SEMA3A: variants seen among roughly 807,000 people sequenced by gnomAD.
SEMA3A encodes the protein semaphorin 3A, also known as semaphorin-3A.
A neutral mutation model predicts 97.9 loss-of-function variants in SEMA3A; 29 were observed. That is an observed-to-expected ratio of 0.30 (90% CI 0.22 to 0.40). SEMA3A has a LOEUF of 0.40. Ranked by LOEUF, SEMA3A falls within the 10% of genes least tolerant of loss-of-function variation. The probability of loss-of-function intolerance (pLI) is 1.00; values close to 1 mark genes in which losing one functional copy is unlikely to be tolerated. For synonymous variants in SEMA3A, 321 were observed against 323.7 expected (o/e 0.99, Z 0.09); for missense variants, 763 against 951.3 (o/e 0.80, Z 2.60).
intron 6 of SEMA3A, among the ~76,000 whole-genome samples, chr7:84,022,835 T>G (rs945012608): frequency 2.0e-5 from 3 of 152,210 alleles, no homozygotes; most frequent in African/African-American, 7.2e-5. Context: ...ACTTTGTATT[T>G]ACAGATACCA....
chr7:84,329,852 T>C (rs1801870722), intron 2 of SEMA3A, among the ~76,000 whole-genome samples: 1 of 152,056 alleles, frequency 6.6e-6, no homozygotes, highest in African/African-American at 2.4e-5. Flanking sequence ...TGCTTTCACA[T>C]GGGGTCTCTC....
At chr7:84,446,131 A>G (rs1805409367) in intron 1 of SEMA3A, among the ~76,000 whole-genome samples, 1 of 152,200 alleles carries the variant, frequency 6.6e-6, no homozygotes, top group Admixed American at 6.5e-5. Context: ...CTAGAAACAA[A>G]TATCTAACAA....
In SEMA3A at chr7:84,328,269, T is replaced by C. The variant is rs77996433; in HGVS notation, c.-168-20977A>G. Among the ~76,000 whole-genome samples the C allele has an allele frequency of 9.7e-4, 147 of 152,162 alleles. 1 individual carries two copies. The East Asian group carries it at 0.026, about 27-fold the overall frequency. ...AAAAACCATTTTAGTGTTCTCATCT[T>C]TACATTTCATAATACTCATTTGCAT... is the stretch of plus-strand genomic sequence containing the variant. On this transcript the variant is annotated intron_variant, in intron 2 of 3. Transcript: ENST00000424555.
chr7:84,365,271 A>G (rs1171059606), intron 2 of SEMA3A, among the ~76,000 whole-genome samples: 1 of 151,564 alleles, frequency 6.6e-6, no homozygotes, highest in Non-Finnish European at 1.5e-5. Flanking sequence ...TTTGGAAAGA[A>G]CTATCATATA....
chr7:84,039,305 TAATA>T (rs1323628396), intron 6 of SEMA3A, among the ~76,000 whole-genome samples: 1 of 152,130 alleles, frequency 6.6e-6, no homozygotes, highest in Non-Finnish European at 1.5e-5. Context: ...GTCACGTAAG[TAATA>T]AATGGAGGAC....
chr7:83,970,838 A>G (rs1186398707), intron 15 of SEMA3A, among the ~76,000 whole-genome samples: 1 of 152,146 alleles, frequency 6.6e-6, no homozygotes, highest in Non-Finnish European at 1.5e-5. Flanking sequence ...AATAGGAGGA[A>G]AGGAAATGTT....
rs371976798 is a variant in SEMA3A, at chr7:84,136,914, AAAG to A, written c.113-1966_113-1964del. 1.4e-3 allele frequency among the ~76,000 whole-genome samples: 210 copies of A among 151,494 alleles called. 1 individual carries two copies. In the East Asian group the frequency reaches 0.016, roughly 12 times the overall value. On this transcript the variant is annotated intron_variant, in intron 1 of 16. Transcript: ENST00000265362. ...ACCCCACTCTCCACACACACAAAAA[AAAG>A]AAGAAGGGGAGGAAGGAAGGGAGGG... is the stretch of plus-strand genomic sequence containing the variant.
intron 3 of SEMA3A, among the ~76,000 whole-genome samples, chr7:84,218,949 C>A (rs748275864): frequency 6.6e-6 from 1 of 152,020 alleles, no homozygotes; most frequent in African/African-American, 2.4e-5. Flanking sequence ...AAATAGGAAA[C>A]TTTGAATAAG....
At chr7:84,370,500 T>G (rs1024137191) in intron 2 of SEMA3A, among the ~76,000 whole-genome samples, 2 of 151,680 alleles carry the variant, frequency 1.3e-5, no homozygotes, top group Non-Finnish European at 3.0e-5. Context: ...AAAGTTAGAT[T>G]TGATAGGCCT....
chr7:84,260,188 T>C (rs1177439983), intron 3 of SEMA3A, among the ~76,000 whole-genome samples: 1 of 152,138 alleles, frequency 6.6e-6, no homozygotes, highest in Non-Finnish European at 1.5e-5. Flanking sequence ...AAGAGCTTCA[T>C]AGAACAAAAT....
rs555736134 is a variant in SEMA3A, at chr7:84,099,448, C to T, written c.453+11022G>A. Among the ~76,000 whole-genome samples, 9 of 152,106 alleles carry T rather than the reference C, an allele frequency of 5.9e-5. No homozygotes were observed. The South Asian group carries it at 1.2e-3, about 21-fold the overall frequency. On this transcript the variant is annotated intron_variant, in intron 4 of 16. Transcript: ENST00000265362. ...CCCAAAATAGCATTTTCTTTATTTA[C>T]GAGTAATGGAGAAACTCTCCTTTGT... is the stretch of plus-strand genomic sequence containing the variant.
intron 2 of SEMA3A, among the ~76,000 whole-genome samples, chr7:84,337,233 G>T (rs74323326): frequency 0.021 from 3,215 of 152,062 alleles, 111 homozygotes; most frequent in African/African-American, 0.072. Flanking sequence ...TTATTTTTAT[G>T]CCATATGCCA....
chr7:84,106,005 GTTAA>G (rs1371082856), intron 4 of SEMA3A, among the ~76,000 whole-genome samples: 1 of 152,154 alleles, frequency 6.6e-6, no homozygotes, highest in African/African-American at 2.4e-5. Flanking sequence ...CAGAACTGGA[GTTAA>G]TTAATAGGTC....
intron 3 of SEMA3A, among the ~76,000 whole-genome samples, chr7:84,267,924 TG>T (rs1490886785): frequency 6.6e-6 from 1 of 152,178 alleles, no homozygotes; most frequent in Non-Finnish European, 1.5e-5. Context: ...ACAGCCAGCT[TG>T]GTGTGTTAAT....
In SEMA3A at chr7:84,282,967, TCACACCACTGCACTCTAGCCTGGGC is replaced by T. The variant is rs1800483558; in HGVS notation, c.-83+24215_-83+24239del. On this transcript the variant is annotated intron_variant, in intron 3 of 3. Transcript: ENST00000424555. ...AGGTGGAGGTTGCAGCGAACAGAGA[TCACACCACTGCACTCTAGCCTGGGC>T]AATAGAGTAAGACTCCATCTAAAAA... Among the ~76,000 whole-genome samples, 3 of 151,960 alleles carry T rather than the reference TCACACCACTGCACTCTAGCCTGGGC, an allele frequency of 2.0e-5. No homozygotes were observed. The East Asian group carries it at 5.8e-4, about 29-fold the overall frequency.
chr7:84,009,917 A>AAAAAAAAAAAAAC (rs1790812134), intron 9 of SEMA3A, among the ~76,000 whole-genome samples: 1 of 149,332 alleles, frequency 6.7e-6, no homozygotes, highest in African/African-American at 2.5e-5. Context: ...AAAAAAAAAA[A>AAAAAAAAAAAAAC]AAAAAAAAAA....
At chr7:84,252,993 C>T (rs1562872688) in intron 3 of SEMA3A, among the ~76,000 whole-genome samples, 1 of 152,128 alleles carries the variant, frequency 6.6e-6, no homozygotes, top group Non-Finnish European at 1.5e-5. Context: ...ATTCTCCTGC[C>T]TCAGCCTGCC....
chr7:84,270,605 T>TTATTCATATATATGCATATATATTC (rs1265963466), intron 3 of SEMA3A, among the ~76,000 whole-genome samples: 1 of 147,778 alleles, frequency 6.8e-6, no homozygotes. Context: ...TATTTATATA[T>TTATTCATATATATGCATATATATTC]TATTCATATA....
At chr7:84,129,026 A>G (rs1795880504) in intron 3 of SEMA3A, 97 bp downstream of exon 3, 6 of 912,292 alleles carry the variant, frequency 6.6e-6, no homozygotes, top group Non-Finnish European at 1.1e-5. Flanking sequence ...CCTTCCCCAC[A>G]CACACAAAAA....
Sources: allele counts gnomAD v4.1 joint callset (sites outside exome capture counted in the v4.1 genomes callset), GRCh38; gene constraint gnomAD v4.1.1; transcripts MANE v1.5; gene names NCBI Gene and HGNC (gene_info 2026-07-23, HGNC 2026-07-21).